The following SORCS3 variants were observed in gnomAD, a reference collection of about 807,000 sequenced individuals.
SORCS3 encodes the protein VPS10 domain-containing receptor SorCS3.
SORCS3 carries 57 observed loss-of-function variants against 146.3 expected under a neutral mutation model. The observed-to-expected ratio is 0.39, with a 90% CI of 0.31 to 0.49. SORCS3 has a LOEUF of 0.49. Ranked by LOEUF, SORCS3 falls within the 20% of genes least tolerant of loss-of-function variation. The pLI is 0.92. For missense variants in SORCS3, 1,341 were observed against 1,575.5 expected (o/e 0.85, Z 2.52); for synonymous variants, 653 against 618.5 (o/e 1.06, Z -0.83).
At chr10:104,754,150 G>A (rs185021163) in intron 1 of SORCS3, among the ~76,000 whole-genome samples, 3 of 152,192 alleles carry the variant, frequency 2.0e-5, no homozygotes, top group Admixed American at 1.3e-4. Context: ...AGGTTAAGCA[G>A]CTTACCCGTT....
intron 1 of SORCS3, among the ~76,000 whole-genome samples, chr10:104,823,809 A>G (rs188570887): frequency 6.6e-6 from 1 of 152,328 alleles, no homozygotes; most frequent in African/African-American, 2.4e-5. Context: ...AGTAGGTGGA[A>G]ATAAGGTAGC....
chr10:104,677,128 T>C (rs1266769381), intron 1 of SORCS3, among the ~76,000 whole-genome samples: 1 of 152,226 alleles, frequency 6.6e-6, no homozygotes, highest in Non-Finnish European at 1.5e-5. Flanking sequence ...GTTCAGGCTG[T>C]AGTGAAGGCT....
At chr10:105,116,959 A>T (rs1435343681) in intron 7 of SORCS3, among the ~76,000 whole-genome samples, 1 of 152,108 alleles carries the variant, frequency 6.6e-6, no homozygotes, top group African/African-American at 2.4e-5. Flanking sequence ...TGGGTGACAA[A>T]ATAATCTGTA....
chr10:104,794,407 G>C (rs1330179389), intron 1 of SORCS3, among the ~76,000 whole-genome samples: 1 of 152,102 alleles, frequency 6.6e-6, no homozygotes. Context: ...CTGTGGATGG[G>C]AAAGACAAAC....
chr10:104,792,761 T>G (rs2017509481), intron 1 of SORCS3, among the ~76,000 whole-genome samples: 2 of 152,194 alleles, frequency 1.3e-5, no homozygotes, highest in South Asian at 4.1e-4. Flanking sequence ...TTCTCTAACT[T>G]CCTACATTTT....
intron 3 of SORCS3, among the ~76,000 whole-genome samples, chr10:104,938,946 G>T (rs2019285986): frequency 6.6e-6 from 1 of 152,198 alleles, no homozygotes; most frequent in African/African-American, 2.4e-5. Flanking sequence ...TAATGAAGAG[G>T]TCTTTTGCTT....
intron 1 of SORCS3, 152 bp downstream of exon 1, chr10:104,642,106 C>T (rs1440526472): frequency 4.1e-5 from 39 of 955,136 alleles, no homozygotes; most frequent in Non-Finnish European, 5.6e-5. Context: ...ATTCCCCCCA[C>T]GCCCCCAACA....
At chr10:104,809,763 C>T (rs185962016) in intron 1 of SORCS3, among the ~76,000 whole-genome samples, 5 of 152,264 alleles carry the variant, frequency 3.3e-5, no homozygotes, top group Admixed American at 6.5e-5. Flanking sequence ...ATTATTTTGT[C>T]GTCTGTTGTG....
At chr10:105,189,621 C>T (rs2119589846) in intron 14 of SORCS3, among the ~76,000 whole-genome samples, 1 of 152,272 alleles carries the variant, frequency 6.6e-6, no homozygotes, top group East Asian at 1.9e-4. Context: ...GTGCTGCGGT[C>T]ACATATGGCA....
intron 1 of SORCS3, among the ~76,000 whole-genome samples, chr10:104,681,234 T>C (rs1323206424): frequency 6.6e-6 from 1 of 152,330 alleles, no homozygotes; most frequent in East Asian, 1.9e-4. Context: ...CGGTTGCTTT[T>C]TCCAGCCTGA....
At chr10:105,156,127 C>T (rs1172137701) in intron 9 of SORCS3, among the ~76,000 whole-genome samples, 3 of 152,190 alleles carry the variant, frequency 2.0e-5, no homozygotes, top group Non-Finnish European at 4.4e-5. Context: ...ACAATTAAAA[C>T]TTTAAGATAT....
At chr10:104,656,925 T>C (rs1219094718) in intron 1 of SORCS3, among the ~76,000 whole-genome samples, 2 of 152,152 alleles carry the variant, frequency 1.3e-5, no homozygotes, top group African/African-American at 2.4e-5. Flanking sequence ...TTAGCTCCAA[T>C]TGTTCACTTC....
At chr10:105,200,574 CT>C (rs2056568836) in intron 15 of SORCS3, among the ~76,000 whole-genome samples, 1 of 152,176 alleles carries the variant, frequency 6.6e-6, no homozygotes, top group Non-Finnish European at 1.5e-5. Flanking sequence ...TAGATATTTA[CT>C]GCTGTGAGAA....
rs1176108504 is a variant in SORCS3, at chr10:105,223,267, T to A, written c.2868+18T>A. ...GCACAAAGGTTTGGCCCTTTCTGAT[T>A]GATGTCAAATTAGATCTGTACTGAA... is the stretch of plus-strand genomic sequence containing the variant. On this transcript the variant is annotated intron_variant, in intron 20 of 26. Transcript: ENST00000369701. The A allele has an allele frequency of 3.1e-6, 5 of 1,599,396 alleles. No individual in the cohort carries two copies. In the African/African-American group the frequency reaches 4.0e-5, roughly 13 times the overall value.
intron 1 of SORCS3, among the ~76,000 whole-genome samples, chr10:104,816,379 A>C (rs1258027488): frequency 6.6e-6 from 1 of 152,120 alleles, no homozygotes; most frequent in Non-Finnish European, 1.5e-5. Flanking sequence ...ACTTTTCTTC[A>C]TGTATAAACT....
At chr10:105,187,705 G>T (rs946427588) in intron 14 of SORCS3, among the ~76,000 whole-genome samples, 12 of 152,148 alleles carry the variant, frequency 7.9e-5, no homozygotes, top group African/African-American at 2.4e-4. Context: ...GAGGATTCGG[G>T]AGTCCACATG....
intron 25 of SORCS3, among the ~76,000 whole-genome samples, chr10:105,257,434 A>G (rs1229786533): frequency 6.6e-6 from 1 of 152,102 alleles, no homozygotes; most frequent in Non-Finnish European, 1.5e-5. Flanking sequence ...TCTTTTTCCT[A>G]TTCTAAAGAG....
chr10:104,947,641 G>C (rs754526838), intron 3 of SORCS3, among the ~76,000 whole-genome samples: 2 of 152,118 alleles, frequency 1.3e-5, no homozygotes, highest in African/African-American at 2.4e-5. Flanking sequence ...TTGTTGTTTT[G>C]AGATGCAGTC....
chr10:105,066,593 G>T (rs2055524169), intron 5 of SORCS3, among the ~76,000 whole-genome samples: 1 of 152,048 alleles, frequency 6.6e-6, no homozygotes, highest in Non-Finnish European at 1.5e-5. Flanking sequence ...TGTGTGTTAG[G>T]CACCCTCAGC....
Sources: allele counts gnomAD v4.1 joint callset (sites outside exome capture counted in the v4.1 genomes callset), GRCh38; gene constraint gnomAD v4.1.1; transcripts MANE v1.5; gene names NCBI Gene and HGNC (gene_info 2026-07-23, HGNC 2026-07-21).